WDR11: variants seen among roughly 807,000 people sequenced by gnomAD.
WDR11 encodes WD repeat-containing protein 11.
A neutral mutation model predicts 151.2 loss-of-function variants in WDR11; 83 were observed. The observed-to-expected ratio is 0.55, with a 90% CI of 0.46 to 0.66. The LOEUF (loss-of-function observed/expected upper bound fraction) is 0.66, where lower values mean the gene tolerates loss of function less well. Ranked by LOEUF, WDR11 falls within the 30% of genes least tolerant of loss-of-function variation. The pLI, the probability that WDR11 is intolerant of heterozygous loss-of-function variation, is 0.00. For synonymous variants in WDR11, 484 were observed against 533.1 expected (o/e 0.91, Z 1.27); for missense variants, 1,301 against 1,480.9 (o/e 0.88, Z 1.99).
In WDR11 at chr10:120,885,742, C is replaced by T. The variant is rs1462259780; in HGVS notation, c.1849-72C>T. Reference sequence around the variant, plus strand: ...TGATACTGGGCAGTGGTGTGTGTGCCCAGCTCTTCTGGACGATTCTTTGAC... The same window carrying T: ...TGATACTGGGCAGTGGTGTGTGTGCTCAGCTCTTCTGGACGATTCTTTGAC... On this transcript the variant is annotated intron_variant, in intron 14 of 28. Transcript: ENST00000263461. 3.1e-6 allele frequency: 5 copies of T among 1,596,316 alleles called. No individual in the cohort carries two copies. In the East Asian group the frequency reaches 1.1e-4, roughly 36 times the overall value.
At position 120,889,204 on chromosome 10, in the gene WDR11, T is replaced by C; in HGVS notation, c.2228+20T>C. 6.7e-7 allele frequency: 1 copy of C among 1,501,504 alleles called. No individual in the cohort carries two copies. Among genetic ancestry groups the C allele is most frequent in the East Asian group, 2.3e-5 (1 of 44,276 alleles). The allele number at this position is 1,501,504 out of a possible 1,614,324, so 93.0% of individuals were successfully genotyped here. On this transcript the variant is annotated intron_variant, in intron 17 of 28. Transcript: ENST00000263461. ...ATCCAGGTATAAGCCAAGAATGAAA[T>C]CTTGTTATTTCATTAAAAAAAAGAA...
intron 3 of WDR11, 130 bp from the exon 4 acceptor site, chr10:120,859,979 G>T (rs1399787059): frequency 1.1e-6 from 1 of 915,292 alleles, no homozygotes; most frequent in East Asian, 2.7e-5. Context: ...ACACACACAC[G>T]TCACATTTGG....
In WDR11 at chr10:120,851,472, G is replaced by T. The variant is rs1250607352; in HGVS notation, c.52G>T (p.Ala18Ser). 2 of 1,611,810 alleles carry T rather than the reference G, an allele frequency of 1.2e-6. No individual in the cohort carries two copies. Among genetic ancestry groups the T allele is most frequent in the Non-Finnish European group, 1.7e-6 (2 of 1,179,648 alleles). ...GGTGTCGGCGCGCACCCTCACGGGG[G>T]CCCTCAACGCCCACAACAAGGCGGC... ...FKVSARTLTG[A>S]LNAHNKAAVD... Residue 18 changes from alanine to serine, a missense_variant, in exon 1 of 29, where the codon GCC (alanine) becomes TCC (serine). This residue lies in a region of WDR11 where 692 missense variants were observed against 762.5 expected (regional missense o/e 0.91). Coordinates refer to ENST00000263461, the MANE Select transcript of WDR11 (RefSeq NM_018117.12).
intron 22 of WDR11, among the ~76,000 whole-genome samples, 170 bp from the exon 23 acceptor site, chr10:120,902,885 A>T (rs944369773): frequency 3.9e-5 from 6 of 152,180 alleles, no homozygotes; most frequent in Non-Finnish European, 8.8e-5. Context: ...TTGAAGGCCC[A>T]GTAGCAGGGC....
chr10:120,871,494 TAA>T (rs5788450), intron 10 of WDR11, 148 bp downstream of exon 10: 37,514 of 426,770 alleles, frequency 0.088, 93 homozygotes, highest in Non-Finnish European at 0.094. Context: ...TCCTGGAACT[TAA>T]AAAAAAAAAA....
chr10:120,867,899 G>A lies in WDR11; in HGVS notation c.1294+730G>A, dbSNP rs541192278. On this transcript the variant is annotated intron_variant, in intron 9 of 28. Transcript: ENST00000263461. ...TCAAAAAATCATTTTTGGAGATAAA[G>A]TGTTCAAAGTTATTTAATTATGAGG... Among the ~76,000 whole-genome samples the A allele has an allele frequency of 3.9e-4, 60 of 152,280 alleles. No homozygotes were observed. In the South Asian group the frequency reaches 0.011, roughly 27 times the overall value.
At chr10:120,853,511 C>G (rs1380862229) in intron 2 of WDR11, among the ~76,000 whole-genome samples, 3 of 152,078 alleles carry the variant, frequency 2.0e-5, no homozygotes, top group East Asian at 1.9e-4. Flanking sequence ...GTGATCCACC[C>G]GCCTTGGCCT....
chr10:120,875,803 C>T (rs1256766278), intron 11 of WDR11, among the ~76,000 whole-genome samples: 1 of 140,890 alleles, frequency 7.1e-6, no homozygotes, highest in Non-Finnish European at 1.5e-5. Flanking sequence ...CCACCCCCAG[C>T]CAGTTTCCAG....
intron 2 of WDR11, among the ~76,000 whole-genome samples, chr10:120,854,864 C>T (rs771008369): frequency 1.5e-4 from 23 of 152,056 alleles, no homozygotes; most frequent in Non-Finnish European, 2.8e-4. Context: ...ATAATTGAGT[C>T]GTAAGATTTC....
intron 24 of WDR11, 91 bp downstream of exon 24, chr10:120,904,233 A>G: frequency 9.4e-7 from 1 of 1,059,224 alleles, no homozygotes; most frequent in South Asian, 1.3e-5. Context: ...ATATTTCATA[A>G]TATTTTCCCC....
intron 26 of WDR11, 194 bp downstream of exon 26, chr10:120,905,610 T>TTGGTAGCAA: frequency 1.3e-6 from 1 of 768,264 alleles, no homozygotes; most frequent in South Asian, 1.7e-5. Context: ...GGATCTTGCA[T>TTGGTAGCAA]TGGTAGCAAT....
intron 1 of WDR11, chr10:120,852,039 T>C (rs1845794372): frequency 4.5e-6 from 1 of 221,398 alleles, no homozygotes; most frequent in Non-Finnish European, 9.0e-6. Flanking sequence ...TATAAATTAC[T>C]ACTGCAGCTC....
At position 120,907,602 on chromosome 10, in the gene WDR11, A is replaced by ATTTTTTTTT. The variant is rs11415545; in HGVS notation, c.3517+754_3517+762dup. On this transcript the variant is annotated intron_variant, in intron 28 of 28. Coordinates refer to ENST00000263461, the MANE Select transcript of WDR11 (RefSeq NM_018117.12). The stretch of plus-strand genomic sequence containing the variant: ...CCCTCTTTCTCTGTGTGTGTTTATA[A>ATTTTTTTTT]TTTTTTTTTTTTTTTAACAGAGAAT... 4.1e-4 allele frequency: 59 copies of ATTTTTTTTT among 142,374 alleles called. 1 individual carries two copies. The highest frequency in any genetic ancestry group is 1.6e-3 in the African/African-American group (59 of 37,988). The allele number at this position is 142,374 out of a possible 1,614,324, so 8.8% of individuals were successfully genotyped here. A position where few individuals can be genotyped will look rare whatever the true frequency, so the allele number is the denominator to read the frequency against.
In WDR11 at chr10:120,874,175, AG is replaced by A. The variant is rs1564702910; in HGVS notation, c.1556+253del. On this transcript the variant is annotated intron_variant, in intron 11 of 28. Transcript: ENST00000263461. ...GTGCAAAAGTAATTGCGGTTTTTGC[AG>A]TTTTTTTTTTTTTTTTGTTGTTGTT... 3.0e-3 allele frequency among the ~76,000 whole-genome samples: 110 copies of A among 36,746 alleles called. 1 individual carries two copies. Among genetic ancestry groups the A allele is most frequent in the African/African-American group, 0.011 (96 of 8,488 alleles). The allele number at this position is 36,746 out of a possible 152,430, so 24.1% of individuals were successfully genotyped here.
intron 4 of WDR11, among the ~76,000 whole-genome samples, chr10:120,862,013 T>C (rs1473540994): frequency 1.3e-5 from 2 of 152,204 alleles, no homozygotes; most frequent in East Asian, 3.8e-4. Flanking sequence ...GATAAAAATT[T>C]GGTATCATCA....
At chr10:120,904,521 A>G (rs1847958645) in intron 24 of WDR11, 125 bp from the exon 25 acceptor site, 1 of 1,216,324 alleles carries the variant, frequency 8.2e-7, no homozygotes, top group South Asian at 1.3e-5. Flanking sequence ...TGTATTTGTA[A>G]ACAAAATATT....
chr10:120,860,051 C>T (rs2133734718), intron 3 of WDR11, 58 bp from the exon 4 acceptor site: 6 of 1,602,176 alleles, frequency 3.7e-6, no homozygotes, highest in East Asian at 2.2e-5. Context: ...ACAAGTTAGC[C>T]AAGGACTTTG....
At chr10:120,851,574 A>T in intron 1 of WDR11, 68 bp downstream of exon 1, 1 of 1,555,798 alleles carries the variant, frequency 6.4e-7, no homozygotes, top group South Asian at 1.2e-5. Flanking sequence ...GGGGAAGGAC[A>T]AGAGGTTTCA....
Position 120,902,332 on chromosome 10 carries a change from T to C in WDR11, c.2753+10T>C. 6.2e-7 allele frequency: 1 copy of C among 1,610,592 alleles called. No homozygotes were observed. Among genetic ancestry groups the C allele is most frequent in the Non-Finnish European group, 8.5e-7 (1 of 1,176,932 alleles). On this transcript the variant is annotated intron_variant, in intron 22 of 28. Transcript: ENST00000263461. ...GCCTGCTTGTTTCAAGGTAATATTG[T>C]TTGATGTATTCTGTATAAGAGACAG...
Sources: allele counts gnomAD v4.1 joint callset (sites outside exome capture counted in the v4.1 genomes callset), GRCh38; gene constraint gnomAD v4.1.1; regional missense constraint gnomAD v4.1.1; transcripts MANE v1.5; gene names NCBI Gene and HGNC (gene_info 2026-07-23, HGNC 2026-07-21).